ZNF521: variants seen among roughly 807,000 people sequenced by gnomAD.
ZNF521 encodes the protein zinc finger protein 521, also known as LYST-interacting protein 3.
A neutral mutation model predicts 105.5 loss-of-function variants in ZNF521; 14 were observed. That is an observed-to-expected ratio of 0.13 (90% confidence interval 0.09 to 0.21). The LOEUF (loss-of-function observed/expected upper bound fraction) is 0.21, where lower values mean the gene tolerates loss of function less well. ZNF521 is among the 10% of genes least tolerant of loss of function. ZNF521 has a pLI of 1.00. For synonymous variants in ZNF521, 635 were observed against 606.0 expected, an observed-to-expected ratio of 1.05 and a Z score of -0.70; for missense variants, 1,233 against 1,629.7, an observed-to-expected ratio of 0.76 and a Z score of 4.19.
At chr18:25,184,743 G>A (rs1023009110) in intron 5 of ZNF521, among the ~76,000 whole-genome samples, 8 of 152,118 alleles carry the variant, frequency 5.3e-5, no homozygotes, top group African/African-American at 7.2e-5. Context: ...TGAATGCTGC[G>A]CAACAGCCCA....
At chr18:25,200,820 A>G (rs1203547996) in intron 4 of ZNF521, among the ~76,000 whole-genome samples, 1 of 151,994 alleles carries the variant, frequency 6.6e-6, no homozygotes, top group African/African-American at 2.4e-5. Context: ...TAAACGTTCA[A>G]GTGCTTTTGT....
intron 4 of ZNF521, among the ~76,000 whole-genome samples, chr18:25,212,534 A>AAG (rs2036205496): frequency 1.1e-5 from 1 of 93,104 alleles, no homozygotes; most frequent in African/African-American, 6.1e-5. Flanking sequence ...AAAAAAAAAA[A>AAG]AAAAATATAT....
chr18:25,077,500 C>T (rs922861689), intron 7 of ZNF521, among the ~76,000 whole-genome samples: 1 of 150,788 alleles, frequency 6.6e-6, no homozygotes, highest in Admixed American at 6.6e-5. Flanking sequence ...CACATAGCAG[C>T]ACAACACAAA....
intron 5 of ZNF521, among the ~76,000 whole-genome samples, chr18:25,095,118 T>C (rs1259576290): frequency 1.3e-5 from 2 of 152,068 alleles, no homozygotes; most frequent in Admixed American, 6.6e-5. Flanking sequence ...TTAAACCCCA[T>C]CTCTTTTCAA....
At chr18:25,086,556 G>A (rs2033627544) in intron 7 of ZNF521, among the ~76,000 whole-genome samples, 2 of 152,120 alleles carry the variant, frequency 1.3e-5, no homozygotes, top group African/African-American at 4.8e-5. Flanking sequence ...CAATAACTAT[G>A]AATTATAGTT....
Position 25,227,777 on chromosome 18 carries a change from C to T in ZNF521, c.221-80G>A, listed in dbSNP as rs144516737. On this transcript the variant is annotated intron_variant, in intron 3 of 7. Transcript: ENST00000361524. The surrounding 1 kb of genome is among the most constrained non-coding windows in gnomAD (Gnocchi z 5.7). ...GTTTACCGTAGCATTTCAACCAGCA[C>T]GCAGAGTTGGGCCCTCTTGAATCTT... The T allele has an allele frequency of 1.4e-4, 170 of 1,213,294 alleles. 1 individual carries two copies. The African/African-American group carries it at 1.5e-3, about 11-fold the overall frequency. 75.2% of individuals were successfully genotyped at this position (1,213,294 alleles called of 1,614,324 possible).
intron 5 of ZNF521, among the ~76,000 whole-genome samples, chr18:25,177,057 C>T (rs1239352397): frequency 6.6e-6 from 1 of 152,142 alleles, no homozygotes. Flanking sequence ...GTTTTAACCT[C>T]TTGCCTGCTA....
intron 5 of ZNF521, among the ~76,000 whole-genome samples, chr18:25,105,270 T>C (rs1481208488): frequency 6.6e-6 from 1 of 152,170 alleles, no homozygotes; most frequent in Non-Finnish European, 1.5e-5. Flanking sequence ...AATTCTATCT[T>C]AAACTGATAA....
chr18:25,248,513 T>C (rs1260778004), intron 3 of ZNF521, among the ~76,000 whole-genome samples: 2 of 152,238 alleles, frequency 1.3e-5, no homozygotes, highest in Non-Finnish European at 2.9e-5. Flanking sequence ...GATAACCTTA[T>C]GGTTTTCTAA....
At chr18:25,220,078 G>A (rs1052552722) in intron 4 of ZNF521, among the ~76,000 whole-genome samples, 4 of 152,134 alleles carry the variant, frequency 2.6e-5, no homozygotes, top group African/African-American at 4.8e-5. Flanking sequence ...GGGATATGCA[G>A]ACTGAGAGCA....
At chr18:25,107,294 A>G (rs1397853704) in intron 5 of ZNF521, among the ~76,000 whole-genome samples, 1 of 152,244 alleles carries the variant, frequency 6.6e-6, no homozygotes, top group African/African-American at 2.4e-5. Flanking sequence ...CTTGTTATTA[A>G]GAATGAAACA....
chr18:25,097,010 C>T (rs1241418980), intron 5 of ZNF521, among the ~76,000 whole-genome samples: 1 of 152,076 alleles, frequency 6.6e-6, no homozygotes, highest in Non-Finnish European at 1.5e-5. Flanking sequence ...AAAACTATGC[C>T]CTAACCCAAT....
rs146993160 is a variant in ZNF521 at position 25,321,006 on chromosome 18, A to G, written c.220+1002T>C. Among the ~76,000 whole-genome samples the G allele has an allele frequency of 1.5e-3, 224 of 152,356 alleles. 5 individuals are homozygous for G. In the East Asian group the frequency reaches 0.035, roughly 24 times the overall value. On this transcript the variant is annotated intron_variant, in intron 3 of 7. Transcript: ENST00000361524. Reference sequence around the variant, plus strand: ...ATAATCCATTCAGAAAACCTTGTTAAAATAGAACACACTTTAAAATCTTAT... The same window carrying G: ...ATAATCCATTCAGAAAACCTTGTTAGAATAGAACACACTTTAAAATCTTAT...
chr18:25,206,021 T>C (rs1015766587), intron 4 of ZNF521, among the ~76,000 whole-genome samples: 1 of 152,182 alleles, frequency 6.6e-6, no homozygotes, highest in African/African-American at 2.4e-5. Flanking sequence ...TTTGTTTTTT[T>C]GAGACAGAGT....
At chr18:25,190,854 T>TA (rs111582899) in intron 5 of ZNF521, among the ~76,000 whole-genome samples, 39 of 152,360 alleles carry the variant, frequency 2.6e-4, no homozygotes, top group African/African-American at 8.9e-4. Context: ...TCTTCCTACA[T>TA]ATGCTGGAGA....
chr18:25,352,021 T>C lies in ZNF521; in HGVS notation c.-18A>G. 4.2e-6 allele frequency: 2 copies of C among 473,792 alleles called. No homozygotes were observed. Among genetic ancestry groups the C allele is most frequent in the South Asian group, 3.0e-5 (2 of 66,022 alleles). 29.3% of individuals were successfully genotyped at this position (473,792 alleles called of 1,614,324 possible). On this transcript the variant is annotated 5_prime_UTR_variant, in exon 1 of 8. Coordinates refer to ENST00000361524, the MANE Select transcript of ZNF521 (RefSeq NM_015461.3). Reference sequence around the variant, plus strand: ...ATCACAAACCTGCAAGGTCTTGGACTGCGCTGTCGCTCCGGTAGTCCACAT... The same window carrying C: ...ATCACAAACCTGCAAGGTCTTGGACCGCGCTGTCGCTCCGGTAGTCCACAT...
intron 7 of ZNF521, among the ~76,000 whole-genome samples, chr18:25,088,284 C>T (rs1006144065): frequency 1.3e-5 from 2 of 150,078 alleles, no homozygotes; most frequent in African/African-American, 4.9e-5. Context: ...GGTGTGATCT[C>T]GGCTCACCGC....
intron 4 of ZNF521, among the ~76,000 whole-genome samples, chr18:25,213,681 G>A (rs1311209244): frequency 6.6e-6 from 1 of 151,962 alleles, no homozygotes; most frequent in African/African-American, 2.4e-5. Context: ...TTCTCATTTT[G>A]TATTTTCTTG....
chr18:25,250,957 T>C (rs1908078088), intron 3 of ZNF521, among the ~76,000 whole-genome samples: 2 of 152,252 alleles, frequency 1.3e-5, no homozygotes, highest in South Asian at 4.1e-4. Context: ...ATTTTAGATT[T>C]GCAAGTATCC....
Sources: allele counts gnomAD v4.1 joint callset (sites outside exome capture counted in the v4.1 genomes callset), GRCh38; gene constraint gnomAD v4.1.1; non-coding constraint Gnocchi (gnomAD v3.1); transcripts MANE v1.5; gene names NCBI Gene and HGNC (gene_info 2026-07-23, HGNC 2026-07-21).